SGCZ: variants seen among roughly 807,000 people sequenced by gnomAD.
SGCZ encodes the protein sarcoglycan zeta.
Under a neutral mutation model 41.3 loss-of-function variants are expected in SGCZ, and 40 were observed. The observed-to-expected ratio is 0.97, with a 90% CI of 0.75 to 1.26. SGCZ has a LOEUF of 1.26. SGCZ is among the 50% of genes most tolerant of loss of function. The probability of loss-of-function intolerance (pLI) is 0.00; values close to 1 mark genes in which losing one functional copy is unlikely to be tolerated. For missense variants in SGCZ, 552 were observed against 369.8 expected (o/e 1.49, Z -4.04); for synonymous variants, 206 against 137.5 (o/e 1.50, Z -3.49).
chr8:14,963,407 T>A (rs951989827), intron 1 of SGCZ, among the ~76,000 whole-genome samples: 4 of 151,918 alleles, frequency 2.6e-5, no homozygotes, highest in African/African-American at 9.7e-5. Context: ...GGCACAATCT[T>A]GGCTCACTGC....
chr8:14,207,804 G>A (rs1335160793), intron 4 of SGCZ, among the ~76,000 whole-genome samples: 1 of 151,966 alleles, frequency 6.6e-6, no homozygotes, highest in Non-Finnish European at 1.5e-5. Flanking sequence ...TGAAGGGCAG[G>A]GATCTTTTGA....
intron 2 of SGCZ, among the ~76,000 whole-genome samples, chr8:14,511,110 C>T (rs1462202369): frequency 6.6e-6 from 1 of 151,924 alleles, no homozygotes; most frequent in Non-Finnish European, 1.5e-5. Context: ...ACAAATGGTG[C>T]TGTCAAGTAC....
At chr8:14,602,208 A>AT (rs1298941263) in intron 1 of SGCZ, among the ~76,000 whole-genome samples, 6 of 152,312 alleles carry the variant, frequency 3.9e-5, no homozygotes, top group African/African-American at 1.2e-4. Context: ...CAGAGAAAAT[A>AT]TTATCCCTAG....
At chr8:14,763,342 G>C (rs1338929404) in intron 1 of SGCZ, among the ~76,000 whole-genome samples, 4 of 152,064 alleles carry the variant, frequency 2.6e-5, no homozygotes, top group African/African-American at 7.2e-5. Flanking sequence ...CCATTCTCCA[G>C]GATTACTGAA....
At chr8:14,702,856 G>C (rs1011029605) in intron 1 of SGCZ, among the ~76,000 whole-genome samples, 13 of 147,326 alleles carry the variant, frequency 8.8e-5, no homozygotes, top group African/African-American at 3.1e-4. Flanking sequence ...TAGATAGATA[G>C]ATAGATAGAT....
intron 1 of SGCZ, among the ~76,000 whole-genome samples, chr8:14,770,420 A>G (rs1386103863): frequency 6.6e-6 from 1 of 151,728 alleles, no homozygotes; most frequent in African/African-American, 2.4e-5. Flanking sequence ...CCCAGAGGTC[A>G]GTATATTATT....
intron 1 of SGCZ, among the ~76,000 whole-genome samples, chr8:15,054,818 C>T (rs972556241): frequency 4.6e-5 from 7 of 151,680 alleles, no homozygotes; most frequent in South Asian, 4.2e-4. Flanking sequence ...AAAAATTAGC[C>T]GGGCATTCTG....
chr8:14,300,410 G>A (rs972596894), intron 3 of SGCZ, among the ~76,000 whole-genome samples: 1 of 151,328 alleles, frequency 6.6e-6, no homozygotes. Flanking sequence ...AATTTAGGTA[G>A]GTAAAGAGAG....
intron 1 of SGCZ, among the ~76,000 whole-genome samples, chr8:15,011,117 C>A (rs887672580): frequency 6.6e-6 from 1 of 152,068 alleles, no homozygotes. Flanking sequence ...ATTTTTACAT[C>A]TTTTTATGTC....
intron 1 of SGCZ, among the ~76,000 whole-genome samples, chr8:14,563,824 A>C (rs892513434): frequency 6.6e-6 from 1 of 152,224 alleles, no homozygotes; most frequent in Admixed American, 6.5e-5. Flanking sequence ...CTAAGTAGTC[A>C]AAAGATAAAG....
At chr8:15,185,581 G>T (rs1800308312) in intron 1 of SGCZ, among the ~76,000 whole-genome samples, 1 of 152,038 alleles carries the variant, frequency 6.6e-6, no homozygotes, top group Non-Finnish European at 1.5e-5. Flanking sequence ...ACTTCTTCAA[G>T]AAGGGCAAAT....
At chr8:14,648,307 T>G (rs1687011393) in intron 1 of SGCZ, among the ~76,000 whole-genome samples, 1 of 152,104 alleles carries the variant, frequency 6.6e-6, no homozygotes, top group Non-Finnish European at 1.5e-5. Context: ...CCTCAAATGT[T>G]TCATTCTGTA....
rs185653989 is a variant in SGCZ, at chr8:14,636,858, A to C, written c.40-81932T>G. Among the ~76,000 whole-genome samples, 20 of 152,070 alleles carry C rather than the reference A, an allele frequency of 1.3e-4. 1 individual carries two copies. Among genetic ancestry groups the C allele is most frequent in the South Asian group, 4.1e-4 (2 of 4,830 alleles). ...AAAACAAAAGCGAAAGTCATTATGG[A>C]AACTCAGAAGAATAAAATACTGATG... is the stretch of plus-strand genomic sequence containing the variant. On this transcript the variant is annotated intron_variant, in intron 1 of 7. Transcript: ENST00000382080.
chr8:15,069,410 A>C (rs2131025389), intron 1 of SGCZ, among the ~76,000 whole-genome samples: 1 of 152,316 alleles, frequency 6.6e-6, no homozygotes, highest in East Asian at 1.9e-4. Context: ...TGAATATTGC[A>C]AAAAAATGCA....
At chr8:15,057,286 C>G (rs1050948733) in intron 1 of SGCZ, among the ~76,000 whole-genome samples, 4 of 152,170 alleles carry the variant, frequency 2.6e-5, no homozygotes, top group Admixed American at 2.6e-4. Context: ...AAAGTGCCAT[C>G]TGAGGAAGAA....
At chr8:15,030,640 C>A (rs2130957636) in intron 1 of SGCZ, among the ~76,000 whole-genome samples, 1 of 152,234 alleles carries the variant, frequency 6.6e-6, no homozygotes, top group Admixed American at 6.5e-5. Flanking sequence ...CTACTGCGCA[C>A]AAGGGATGAT....
At chr8:14,731,805 T>C (rs1002331352) in intron 1 of SGCZ, among the ~76,000 whole-genome samples, 2 of 152,216 alleles carry the variant, frequency 1.3e-5, no homozygotes, top group African/African-American at 4.8e-5. Context: ...TTTTCTAAAA[T>C]GGTTACTCAA....
chr8:14,807,414 C>G (rs1412399108), intron 1 of SGCZ, among the ~76,000 whole-genome samples: 1 of 152,096 alleles, frequency 6.6e-6, no homozygotes, highest in Non-Finnish European at 1.5e-5. Context: ...GCAAAAATGA[C>G]AGGCATTCTT....
At chr8:15,118,049 C>T (rs892640307) in intron 1 of SGCZ, among the ~76,000 whole-genome samples, 4 of 152,150 alleles carry the variant, frequency 2.6e-5, no homozygotes, top group Non-Finnish European at 5.9e-5. Flanking sequence ...GATTGCAGTT[C>T]GTCTTCTTGC....
Sources: allele counts gnomAD v4.1 joint callset (sites outside exome capture counted in the v4.1 genomes callset), GRCh38; gene constraint gnomAD v4.1.1; transcripts MANE v1.5; gene names NCBI Gene and HGNC (gene_info 2026-07-23, HGNC 2026-07-21).